Variants in SCMH1 observed in about 807,000 individuals in gnomAD.
SCMH1 encodes Scm polycomb group protein homolog 1.
Under a neutral mutation model 70.8 loss-of-function variants are expected in SCMH1, and 37 were observed. That is an observed-to-expected ratio of 0.52 (90% CI 0.40 to 0.69). The LOEUF (loss-of-function observed/expected upper bound fraction) is 0.69, where lower values mean the gene tolerates loss of function less well. SCMH1 is among the 30% of genes least tolerant of loss of function. SCMH1 has a pLI of 0.00. For missense variants in SCMH1, 607 were observed against 827.3 expected (o/e 0.73, Z 3.27); for synonymous variants, 292 against 307.4 (o/e 0.95, Z 0.52).
intron 6 of SCMH1, among the ~76,000 whole-genome samples, chr1:41,131,759 T>G (rs964502994): frequency 2.0e-5 from 3 of 152,200 alleles, no homozygotes; most frequent in African/African-American, 7.2e-5. Context: ...TGTGTCCACG[T>G]GTTCTCATTG....
chr1:41,078,566 G>A (rs779929716), intron 8 of SCMH1, among the ~76,000 whole-genome samples: 3 of 152,040 alleles, frequency 2.0e-5, no homozygotes, highest in South Asian at 2.1e-4. Flanking sequence ...CAGCATTACC[G>A]GAGCAACAAT....
At chr1:41,117,871 C>A (rs1006014288) in intron 6 of SCMH1, among the ~76,000 whole-genome samples, 14 of 152,164 alleles carry the variant, frequency 9.2e-5, no homozygotes. Context: ...CACTCCTTAC[C>A]CTGCCCCTTT....
At chr1:41,087,382 C>G (rs1385268000) in intron 8 of SCMH1, among the ~76,000 whole-genome samples, 1 of 151,300 alleles carries the variant, frequency 6.6e-6, no homozygotes, top group Non-Finnish European at 1.5e-5. Context: ...AAGCAAAGTA[C>G]AAATTGGGAG....
intron 8 of SCMH1, among the ~76,000 whole-genome samples, chr1:41,094,549 A>G (rs893860805): frequency 6.6e-6 from 1 of 152,168 alleles, no homozygotes; most frequent in African/African-American, 2.4e-5. Context: ...TTACTAAGAA[A>G]GAATTTCTTT....
At chr1:41,169,584 G>A (rs952393245) in intron 2 of SCMH1, among the ~76,000 whole-genome samples, 3 of 152,174 alleles carry the variant, frequency 2.0e-5, no homozygotes, top group Middle Eastern at 6.8e-3. Flanking sequence ...TAAAAGTTGG[G>A]ACACTCGTTG....
chr1:41,240,500 G>A (rs879369135), intron 1 of SCMH1, among the ~76,000 whole-genome samples: 2 of 151,456 alleles, frequency 1.3e-5, no homozygotes, highest in Non-Finnish European at 2.9e-5. Flanking sequence ...ATTTCCCTCT[G>A]CAACCAAATA....
chr1:41,033,200 C>T (rs1644796260), intron 13 of SCMH1, among the ~76,000 whole-genome samples: 1 of 150,834 alleles, frequency 6.6e-6, no homozygotes, highest in South Asian at 2.1e-4. Flanking sequence ...AGAGGAAGAT[C>T]GCTTGAGCCC....
chr1:41,161,670 T>C lies in SCMH1; in HGVS notation c.14-238A>G, dbSNP rs1465255797. ...AAATAGAAGACTGATTAAGATTTGA[T>C]AATACAAACACTTGACAAAGTATTT... is the stretch of plus-strand genomic sequence containing the variant. On this transcript the variant is annotated intron_variant, in intron 2 of 14. Transcript: ENST00000337495. Among the ~76,000 whole-genome samples, 3 of 152,188 alleles carry C rather than the reference T, an allele frequency of 2.0e-5. 1 individual carries two copies. Among genetic ancestry groups the C allele is most frequent in the African/African-American group, 7.2e-5 (3 of 41,450 alleles).
chr1:41,189,314 T>C (rs551779227), intron 1 of SCMH1, among the ~76,000 whole-genome samples: 1 of 152,244 alleles, frequency 6.6e-6, no homozygotes, highest in East Asian at 1.9e-4. Context: ...CAAGCCTGGC[T>C]AATTTTTTGT....
chr1:41,200,017 G>A (rs942519240), intron 1 of SCMH1, among the ~76,000 whole-genome samples: 5 of 152,130 alleles, frequency 3.3e-5, no homozygotes, highest in African/African-American at 1.2e-4. Context: ...ATGTACAGAG[G>A]CTTGGCAAAC....
At chr1:41,186,042 G>C in intron 2 of SCMH1, 79 bp downstream of exon 2, 3 of 1,477,924 alleles carry the variant, frequency 2.0e-6, no homozygotes, top group South Asian at 2.5e-5. Context: ...CTAATTATTC[G>C]TGAGGAATTC....
rs55940657 is a variant in SCMH1 at position 41,192,495 on chromosome 1, G to GACACAC, written c.-117-6251_-117-6246dup. Among the ~76,000 whole-genome samples the GACACAC allele has an allele frequency of 8.1e-3, 1,210 of 148,736 alleles. 8 individuals are homozygous for GACACAC. The highest frequency in any genetic ancestry group is 0.02 in the East Asian group (102 of 5,042). ...TAGTTGTTGAGAGGATTAAATAGGA[G>GACACAC]ACACACACACACACACACACACACA... On this transcript the variant is annotated intron_variant, in intron 1 of 14. Coordinates refer to ENST00000337495, the Ensembl canonical transcript of SCMH1.
intron 11 of SCMH1, among the ~76,000 whole-genome samples, chr1:41,047,101 C>T (rs1437022408): frequency 2.6e-5 from 4 of 152,152 alleles, no homozygotes. Flanking sequence ...TAGTTTACTT[C>T]CTATCATCTT....
chr1:41,069,611 CT>C (rs1341378636), intron 10 of SCMH1, among the ~76,000 whole-genome samples: 1 of 152,110 alleles, frequency 6.6e-6, no homozygotes, highest in African/African-American at 2.4e-5. Flanking sequence ...TCTGTGATAG[CT>C]TTTATTGTTA....
At chr1:41,205,299 C>T (rs576842766) in intron 1 of SCMH1, among the ~76,000 whole-genome samples, 44 of 152,288 alleles carry the variant, frequency 2.9e-4, no homozygotes, top group African/African-American at 9.4e-4. Flanking sequence ...CAAGGGAGGC[C>T]GTGACAGACT....
rs1290059095 is a variant in SCMH1 at position 41,135,629 on chromosome 1, C to T, written c.412+7249G>A. On this transcript the variant is annotated intron_variant, in intron 6 of 14. Coordinates refer to ENST00000337495, the Ensembl canonical transcript of SCMH1. ...TATAATTACCCAGTCTCTGTTATGT[C>T]CTTATAGCAGCAGGAGAACGGACTA... 3.3e-5 allele frequency among the ~76,000 whole-genome samples: 5 copies of T among 152,270 alleles called. No homozygotes were observed. In the East Asian group the frequency reaches 9.6e-4, roughly 29 times the overall value.
intron 8 of SCMH1, among the ~76,000 whole-genome samples, chr1:41,095,745 C>T (rs575411667): frequency 8.3e-4 from 127 of 152,096 alleles, no homozygotes; most frequent in Admixed American, 2.2e-3. Flanking sequence ...TCTTTGACAC[C>T]GTCTTGTATT....
rs567210126 is a variant in SCMH1 at position 41,148,253 on chromosome 1, C to T, written c.177+3361G>A. Among the ~76,000 whole-genome samples, 11 of 152,268 alleles carry T rather than the reference C, an allele frequency of 7.2e-5. No individual in the cohort carries two copies. In the South Asian group the frequency reaches 1.4e-3, roughly 20 times the overall value. On this transcript the variant is annotated intron_variant, in intron 5 of 14. Transcript: ENST00000337495. The stretch of plus-strand genomic sequence containing the variant: ...TATATGTTATCATCCTCACAATATA[C>T]GGTTATTGTCTACACAATTATCTTT...
intron 5 of SCMH1, among the ~76,000 whole-genome samples, chr1:41,144,690 T>C (rs892990965): frequency 1.3e-5 from 2 of 152,178 alleles, no homozygotes; most frequent in African/African-American, 4.8e-5. Flanking sequence ...TCTTCTCAAG[T>C]AGCTATAGGA....
Sources: allele counts gnomAD v4.1 joint callset (sites outside exome capture counted in the v4.1 genomes callset), GRCh38; gene constraint gnomAD v4.1.1; transcripts MANE v1.5; gene names NCBI Gene and HGNC (gene_info 2026-07-23, HGNC 2026-07-21).